KHDRBS2: variants seen among roughly 807,000 people sequenced by gnomAD.
The protein encoded by KHDRBS2 is KH domain-containing, RNA-binding, signal transduction-associated protein 2.
In KHDRBS2, 26 loss-of-function variants were observed where a neutral mutation model predicts 44.3. The observed-to-expected ratio is 0.59, with a 90% CI of 0.43 to 0.81. KHDRBS2 has a LOEUF of 0.81. Among genes scored for constraint, KHDRBS2 ranks in the 40% least tolerant of loss-of-function variants. The pLI is 0.00. For synonymous variants in KHDRBS2, 194 were observed against 151.1 expected (o/e 1.28, Z -2.08); for missense variants, 476 against 433.1 (o/e 1.10, Z -0.88).
At chr6:62,141,491 C>T (rs1197542489) in intron 2 of KHDRBS2, among the ~76,000 whole-genome samples, 4 of 152,078 alleles carry the variant, frequency 2.6e-5, no homozygotes, top group Admixed American at 2.6e-4. Flanking sequence ...GACTTTTCTC[C>T]ATAAAATACA....
chr6:62,198,536 G>A (rs10933392), intron 1 of KHDRBS2, among the ~76,000 whole-genome samples: 1,821 of 152,218 alleles, frequency 0.012, 37 homozygotes, highest in African/African-American at 0.042. Context: ...ACTAAACCAG[G>A]AAGAAGTTGA....
chr6:61,571,092 T>C, the KHDRBS2 span, among the ~76,000 whole-genome samples: 167 of 151,932 alleles, frequency 1.1e-3, 2 homozygotes, highest in East Asian at 0.028. Flanking sequence ...TGAATATAAA[T>C]GGCCTAAATG....
chr6:61,551,880 T>C, the KHDRBS2 span, among the ~76,000 whole-genome samples: 1 of 152,166 alleles, frequency 6.6e-6, no homozygotes, highest in Non-Finnish European at 1.5e-5. Flanking sequence ...TTTAAATTAG[T>C]TTTTTCCTAA....
chr6:61,978,453 T>C (rs1285435206), intron 3 of KHDRBS2, among the ~76,000 whole-genome samples: 5 of 152,068 alleles, frequency 3.3e-5, no homozygotes, highest in Non-Finnish European at 5.9e-5. Context: ...ACAACAGATT[T>C]TAATCAGCTA....
the KHDRBS2 span, among the ~76,000 whole-genome samples, chr6:61,651,956 A>C: frequency 6.6e-6 from 1 of 152,120 alleles, no homozygotes; most frequent in Non-Finnish European, 1.5e-5. Context: ...TGTGGGTAGC[A>C]CCAACAGTGG....
At chr6:61,698,120 A>C (rs1294137638) in intron 7 of KHDRBS2, among the ~76,000 whole-genome samples, 1 of 152,142 alleles carries the variant, frequency 6.6e-6, no homozygotes, top group Non-Finnish European at 1.5e-5. Flanking sequence ...TTTCACATTC[A>C]ATGGTCAAGA....
intron 1 of KHDRBS2, among the ~76,000 whole-genome samples, chr6:62,219,873 T>C (rs934473804): frequency 6.8e-6 from 1 of 147,388 alleles, no homozygotes; most frequent in African/African-American, 2.5e-5. Context: ...CATAGTTTTA[T>C]ATATATAACT....
At chr6:61,622,176 T>G in the KHDRBS2 span, among the ~76,000 whole-genome samples, 9 of 152,314 alleles carry the variant, frequency 5.9e-5, no homozygotes, top group African/African-American at 1.7e-4. Flanking sequence ...TAAAAACTAA[T>G]GTAGCATGGT....
At chr6:62,185,077 A>G (rs1336906484) in intron 1 of KHDRBS2, among the ~76,000 whole-genome samples, 1 of 151,898 alleles carries the variant, frequency 6.6e-6, no homozygotes, top group Non-Finnish European at 1.5e-5. Flanking sequence ...AAATAAAGTA[A>G]ATCTTTCAAA....
At chr6:61,864,062 A>G (rs1188191034) in intron 6 of KHDRBS2, among the ~76,000 whole-genome samples, 1 of 151,910 alleles carries the variant, frequency 6.6e-6, no homozygotes, top group African/African-American at 2.4e-5. Context: ...GTCTCCTTTG[A>G]TCTTTGTTGA....
chr6:61,749,663 T>C (rs1482357167), intron 6 of KHDRBS2, among the ~76,000 whole-genome samples: 1 of 152,194 alleles, frequency 6.6e-6, no homozygotes, highest in African/African-American at 2.4e-5. Context: ...ATTTTCTATA[T>C]GATTCACTTC....
chr6:61,831,265 C>T (rs909426751), intron 6 of KHDRBS2, among the ~76,000 whole-genome samples: 6 of 152,098 alleles, frequency 3.9e-5, no homozygotes, highest in African/African-American at 9.6e-5. Context: ...ACATTATGGA[C>T]TAAAAAACCA....
chr6:61,983,240 T>TCTTTCTTTCTTTCTTTCTTTC (rs1774322658), intron 3 of KHDRBS2, among the ~76,000 whole-genome samples: 2 of 33,252 alleles, frequency 6.0e-5, no homozygotes, highest in African/African-American at 1.5e-4. Flanking sequence ...TTCTTTCTTT[T>TCTTTCTTTCTTTCTTTCTTTC]TTTTTTTTTT....
the KHDRBS2 span, among the ~76,000 whole-genome samples, chr6:61,592,904 C>T: frequency 6.6e-6 from 1 of 152,010 alleles, no homozygotes; most frequent in African/African-American, 2.4e-5. Flanking sequence ...AGTCTCATTC[C>T]AAGAGTTAAA....
chr6:62,181,673 T>C (rs1405389780), intron 1 of KHDRBS2, among the ~76,000 whole-genome samples: 2 of 152,034 alleles, frequency 1.3e-5, no homozygotes, highest in Admixed American at 6.6e-5. Context: ...CTAGTTGTTA[T>C]GGTCTGAAAG....
At chr6:61,848,526 TATATAC>T (rs1562294599) in intron 6 of KHDRBS2, among the ~76,000 whole-genome samples, 52 of 54,816 alleles carry the variant, frequency 9.5e-4, no homozygotes, top group South Asian at 3.2e-3. Flanking sequence ...TATGTATATA[TATATAC>T]ATATATATGT....
chr6:61,556,377 C>A, the KHDRBS2 span, among the ~76,000 whole-genome samples: 1 of 152,294 alleles, frequency 6.6e-6, no homozygotes, highest in East Asian at 1.9e-4. Flanking sequence ...ACCAAAAAAT[C>A]AATAAGAATG....
intron 1 of KHDRBS2, among the ~76,000 whole-genome samples, chr6:62,186,659 T>C (rs1231927540): frequency 6.6e-6 from 1 of 152,028 alleles, no homozygotes; most frequent in Non-Finnish European, 1.5e-5. Flanking sequence ...TGGTATAAAT[T>C]TGCTGAAACT....
the KHDRBS2 span, among the ~76,000 whole-genome samples, chr6:61,634,224 A>T: frequency 1.3e-5 from 2 of 151,916 alleles, no homozygotes; most frequent in African/African-American, 4.8e-5. Flanking sequence ...GACAGATCAG[A>T]TGTGGCTAGA....
Sources: gnomAD v4.1 joint callset for allele counts (sites outside exome capture counted in the v4.1 genomes callset) on GRCh38, gnomAD v4.1.1 for gene constraint, MANE v1.5 for transcripts, NCBI Gene and HGNC (gene_info 2026-07-23, HGNC 2026-07-21) for gene names.